Variants in FGD6 observed in about 807,000 individuals in gnomAD.
FGD6 encodes FYVE, RhoGEF and PH domain-containing protein 6.
In FGD6, 90 loss-of-function variants were observed where a neutral mutation model predicts 149.4. The observed-to-expected ratio is 0.60, with a 90% CI of 0.51 to 0.72. FGD6 has a LOEUF of 0.72. FGD6 is among the 30% of genes least tolerant of loss of function. The pLI is 0.00. For missense variants in FGD6, 1,437 were observed against 1,684.8 expected (o/e 0.85, Z 2.57); for synonymous variants, 527 against 584.0 (o/e 0.90, Z 1.41).
intron 1 of FGD6, among the ~76,000 whole-genome samples, chr12:95,216,521 T>G (rs930540116): frequency 2.0e-5 from 3 of 152,058 alleles, no homozygotes; most frequent in Non-Finnish European, 4.4e-5. Context: ...AAACACAACG[T>G]CTAGAATTGC....
chr12:95,106,933 A>ACAAAACAAAC, intron 13 of FGD6, 21 bp downstream of exon 13: 1 of 1,562,110 alleles, frequency 6.4e-7, no homozygotes. Flanking sequence ...AAAAAACAAA[A>ACAAAACAAAC]CATCTAACAG....
intron 2 of FGD6, among the ~76,000 whole-genome samples, chr12:95,190,896 A>G (rs1309183283): frequency 6.6e-6 from 1 of 152,188 alleles, no homozygotes; most frequent in Non-Finnish European, 1.5e-5. Flanking sequence ...ATATTTTAAA[A>G]AAAAGTTAAA....
intron 14 of FGD6, among the ~76,000 whole-genome samples, chr12:95,097,343 G>T (rs1182511058): frequency 1.3e-5 from 2 of 152,060 alleles, no homozygotes. Context: ...ATTGCCAAGG[G>T]TTAAAAACCT....
chr12:95,209,281 T>G lies in FGD6; in HGVS notation c.2003A>C (p.Lys668Thr), dbSNP rs1275446356. The change falls in exon 2 of 21, where the codon AAG becomes ACG. Residue 668 changes from lysine to threonine, a missense_variant. Around this residue, in one of 2 missense-constraint regions of FGD6, gnomAD observed 1,055 missense variants for 1,146.0 expected, o/e 0.92. Transcript: ENST00000343958. ...GCCTTGCCAATCACTTTCAATCCCC[T>G]TCTGCTCCCCACTGGAGAGGTGGCC... ...TTGHLSSGEQKGIESDWQGLL... is the reference protein window; with the variant it reads ...TTGHLSSGEQTGIESDWQGLL... 6.2e-7 allele frequency: 1 copy of G among 1,614,156 alleles called. No homozygotes were observed.
intron 19 of FGD6, among the ~76,000 whole-genome samples, chr12:95,084,934 C>T (rs1349353467): frequency 6.6e-6 from 1 of 152,158 alleles, no homozygotes; most frequent in Admixed American, 6.5e-5. Flanking sequence ...GATTATATTA[C>T]TTTCATTTTA....
At position 95,179,663 on chromosome 12, in the gene FGD6, T is replaced by C. The variant is rs536742622; in HGVS notation, c.2442-6919A>G. On this transcript the variant is annotated intron_variant, in intron 2 of 20. Transcript: ENST00000343958. ...TACCCATATGCTTGCAACTTTTATATGTAATTGGCTTTAAAGTCATTCATT... is the reference window on the plus strand; with the variant it reads ...TACCCATATGCTTGCAACTTTTATACGTAATTGGCTTTAAAGTCATTCATT... Among the ~76,000 whole-genome samples, 40 of 152,302 alleles carry C rather than the reference T, an allele frequency of 2.6e-4. 1 individual carries two copies. In the South Asian group the frequency reaches 8.1e-3, roughly 31 times the overall value.
intron 2 of FGD6, among the ~76,000 whole-genome samples, chr12:95,201,318 C>A (rs1250521256): frequency 6.6e-6 from 1 of 152,164 alleles, no homozygotes. Flanking sequence ...CTCCTCAACA[C>A]ACTAACCTTT....
chr12:95,117,008 A>C, intron 8 of FGD6: 1 of 441,842 alleles, frequency 2.3e-6, no homozygotes, highest in Non-Finnish European at 4.5e-6. Context: ...AAAGGAGACC[A>C]GACAGACACG....
intron 5 of FGD6, among the ~76,000 whole-genome samples, chr12:95,152,354 C>A (rs866764556): frequency 6.6e-6 from 1 of 151,878 alleles, no homozygotes; most frequent in African/African-American, 2.4e-5. Context: ...AAAAAGTTGA[C>A]CATTTAAAAA....
At chr12:95,131,673 C>T (rs529278307) in intron 8 of FGD6, among the ~76,000 whole-genome samples, 13 of 152,126 alleles carry the variant, frequency 8.5e-5, no homozygotes, top group Non-Finnish European at 1.6e-4. Context: ...AAGTCTACTA[C>T]GTTCTTTAAT....
chr12:95,202,141 A>T (rs114461900), intron 2 of FGD6, among the ~76,000 whole-genome samples: 11,506 of 152,060 alleles, frequency 0.076, 491 homozygotes, highest in Middle Eastern at 0.12. Context: ...TGTAATCCCA[A>T]CACTTTGGGA....
chr12:95,126,077 T>C (rs1592843043), intron 8 of FGD6: 1 of 1,168,062 alleles, frequency 8.6e-7, no homozygotes. Context: ...AGATGACAGA[T>C]TCTGATCATT....
intron 8 of FGD6, among the ~76,000 whole-genome samples, chr12:95,125,230 T>C (rs1879298822): frequency 6.6e-6 from 1 of 152,168 alleles, no homozygotes; most frequent in South Asian, 2.1e-4. Context: ...TCTAAGCTAA[T>C]AAAACAGGTG....
rs964153268 is a variant in FGD6 at position 95,134,790 on chromosome 12, A to G, written c.3031T>C (p.Tyr1011His). The G allele has an allele frequency of 2.5e-5, 40 of 1,613,752 alleles. No individual in the cohort carries two copies. Among genetic ancestry groups the G allele is most frequent in the Non-Finnish European group, 3.3e-5 (39 of 1,179,900 alleles). The change falls in exon 8 of 21, where the codon TAC becomes CAC. Residue 1011 changes from tyrosine to histidine, a missense_variant. Around this residue, in one of 2 missense-constraint regions of FGD6, gnomAD observed 382 missense variants for 538.7 expected, o/e 0.71. Transcript: ENST00000343958. The part of the protein sequence containing the change: ...PRCANLALKH[Y>H]LLKPVQRIPQ... ...ATCCTCTGAACCGGCTTGAGCAGGT[A>G]GTGCTTGAGGGCCAGATTAGCACAG...
intron 2 of FGD6, among the ~76,000 whole-genome samples, chr12:95,197,986 C>T (rs1329064882): frequency 6.6e-6 from 1 of 152,184 alleles, no homozygotes; most frequent in Non-Finnish European, 1.5e-5. Flanking sequence ...CATGAAAAAT[C>T]TGGGGTCTCT....
rs1877982336 is a variant in FGD6, at chr12:95,089,555, A to C, written c.3978+14T>G. The C allele has an allele frequency of 3.1e-6, 5 of 1,611,986 alleles. No individual in the cohort carries two copies. Among genetic ancestry groups the C allele is most frequent in the African/African-American group, 1.3e-5 (1 of 74,868 alleles). On this transcript the variant is annotated intron_variant, in intron 18 of 20. Coordinates refer to ENST00000343958, the MANE Select transcript of FGD6 (RefSeq NM_018351.4). The stretch of plus-strand genomic sequence containing the variant: ...CAGCCTCTATCACATTGCAAATTTA[A>C]TGGAAACACTTACTTCTTTGAGAGC...
Position 95,082,984 on chromosome 12 carries a change from T to TTAAAAAAAAAA in FGD6, c.4257-1429_4257-1428insTTTTTTTTTTA, listed in dbSNP as rs1386719189. 5.5e-4 allele frequency among the ~76,000 whole-genome samples: 17 copies of TTAAAAAAAAAA among 31,130 alleles called. 3 individuals are homozygous for TTAAAAAAAAAA. The highest frequency in any genetic ancestry group is 1.0e-3 in the East Asian group (1 of 1,002). The allele number at this position is 31,130 out of a possible 152,430, so 20.4% of individuals were successfully genotyped here. A position where few individuals can be genotyped will look rare whatever the true frequency, so the allele number is the denominator to read the frequency against. On this transcript the variant is annotated intron_variant, in intron 20 of 20. Transcript: ENST00000343958. ...CAACATTGCTAGACTCTGTCTCCAT[T>TTAAAAAAAAAA]AAAAAAAAAAAAAAAAAAAAAAAAA...
intron 8 of FGD6, among the ~76,000 whole-genome samples, chr12:95,130,933 G>A (rs928928584): frequency 2.0e-5 from 3 of 152,096 alleles, no homozygotes; most frequent in Non-Finnish European, 2.9e-5. Context: ...GACCTGCAAG[G>A]TTATAGGAAT....
At chr12:95,141,224 A>G (rs1412190468) in intron 6 of FGD6, among the ~76,000 whole-genome samples, 164 bp downstream of exon 6, 1 of 152,244 alleles carries the variant, frequency 6.6e-6, no homozygotes, top group Admixed American at 6.5e-5. Context: ...ATCTATCTCA[A>G]AAACAAAAAA....
Sources: allele counts gnomAD v4.1 joint callset (sites outside exome capture counted in the v4.1 genomes callset), GRCh38; gene constraint gnomAD v4.1.1; regional missense constraint gnomAD v4.1.1; transcripts MANE v1.5; gene names NCBI Gene and HGNC (gene_info 2026-07-23, HGNC 2026-07-21).